The following NPNT variants were observed in gnomAD, a reference collection of about 807,000 sequenced individuals.
The protein encoded by NPNT is nephronectin, also known as preosteoblast EGF-like repeat protein with MAM domain.
In NPNT, 45 loss-of-function variants were observed where a neutral mutation model predicts 68.6. That is an observed-to-expected ratio of 0.66 (90% CI 0.52 to 0.84). The LOEUF is 0.84. Among genes scored for constraint, NPNT ranks in the 40% least tolerant of loss-of-function variants. The pLI, the probability that NPNT is intolerant of heterozygous loss-of-function variation, is 0.00. For synonymous variants in NPNT, 233 were observed against 253.3 expected (o/e 0.92, Z 0.76); for missense variants, 672 against 714.8 (o/e 0.94, Z 0.68).
intron 2 of NPNT, among the ~76,000 whole-genome samples, chr4:105,924,047 C>A (rs1317062813): frequency 2.6e-5 from 4 of 151,752 alleles, no homozygotes; most frequent in South Asian, 2.1e-4. Flanking sequence ...GCGCCCCCCC[C>A]CCACCACTTT....
chr4:105,942,597 A>G lies in NPNT; in HGVS notation c.1054A>G (p.Thr352Ala), dbSNP rs767736918. The G allele has an allele frequency of 6.2e-7, 1 of 1,613,950 alleles. No homozygotes were observed. The highest frequency in any genetic ancestry group is 1.1e-5 in the South Asian group (1 of 91,062). The change falls in exon 8 of 12, where the codon ACC becomes GCC. Residue 352 changes from threonine to alanine, a missense_variant. Transcript: ENST00000379987. ...ACCTACAACCCCAGAAAGGCCAACCACCGGACTGACAACTATAGCACCAGC... is the reference window on the plus strand; with the variant it reads ...ACCTACAACCCCAGAAAGGCCAACCGCCGGACTGACAACTATAGCACCAGC... Reference protein sequence around the residue: ...LPPTTPERPTTGLTTIAPAAS... With the variant: ...LPPTTPERPTAGLTTIAPAAS...
At chr4:105,953,141 G>C (rs1578671853) in intron 8 of NPNT, among the ~76,000 whole-genome samples, 1 of 152,302 alleles carries the variant, frequency 6.6e-6, no homozygotes, top group East Asian at 1.9e-4. Flanking sequence ...ACTCCAGCCT[G>C]GGTGACACAG....
At position 105,959,113 on chromosome 4, in the gene NPNT, C is replaced by T; in HGVS notation, c.1332C>T (p.Ile444=). The T allele has an allele frequency of 6.2e-7, 1 of 1,608,808 alleles. No homozygotes were observed. The highest frequency in any genetic ancestry group is 1.1e-5 in the South Asian group (1 of 90,982). ...ACAATGACTTGCACTGGGAACCAAT[C>T]AGGGACCCAGCAGGTAAAACCATTT... ...EKDNDLHWEP[I]RDPAGGQYLT... The change falls in exon 10 of 12, where the codon ATC becomes ATT. Residue 444 remains isoleucine (I), a synonymous_variant. Transcript: ENST00000379987.
At chr4:105,920,395 T>A (rs1379048798) in intron 2 of NPNT, among the ~76,000 whole-genome samples, 7 of 79,452 alleles carry the variant, frequency 8.8e-5, no homozygotes, top group African/African-American at 1.5e-4. Flanking sequence ...GTTACTCTAC[T>A]AAAAAAAAAA....
chr4:105,936,956 AC>A, intron 3 of NPNT, 52 bp from the exon 4 acceptor site: 1 of 1,566,846 alleles, frequency 6.4e-7, no homozygotes, highest in Non-Finnish European at 8.6e-7. Context: ...TAGATGGCTT[AC>A]ATTAGTGCTG....
chr4:105,926,561 G>C (rs1317396059), intron 2 of NPNT, among the ~76,000 whole-genome samples: 1 of 152,086 alleles, frequency 6.6e-6, no homozygotes, highest in Non-Finnish European at 1.5e-5. Context: ...GGGGTAAAAA[G>C]TGCCCCCCAG....
chr4:105,932,309 T>A (rs1452766461), intron 3 of NPNT, among the ~76,000 whole-genome samples: 1 of 152,162 alleles, frequency 6.6e-6, no homozygotes, highest in Non-Finnish European at 1.5e-5. Context: ...TATGACTAAA[T>A]AATACTTTTA....
At chr4:105,924,577 CATT>C (rs1728544967) in intron 2 of NPNT, among the ~76,000 whole-genome samples, 1 of 152,146 alleles carries the variant, frequency 6.6e-6, no homozygotes, top group Admixed American at 6.6e-5. Flanking sequence ...ATGGAAGAAA[CATT>C]AACAGTGTTG....
intron 5 of NPNT, among the ~76,000 whole-genome samples, chr4:105,939,867 G>A (rs995599401): frequency 6.6e-6 from 1 of 152,136 alleles, no homozygotes; most frequent in African/African-American, 2.4e-5. Flanking sequence ...TATATAGAGT[G>A]CAAGAAAATA....
chr4:105,967,969 T>G (rs1004761633), intron 11 of NPNT, among the ~76,000 whole-genome samples: 1 of 152,176 alleles, frequency 6.6e-6, no homozygotes, highest in African/African-American at 2.4e-5. Context: ...GAAAGCACTA[T>G]TCTATTCAGG....
chr4:105,944,885 G>A (rs1317765385), intron 8 of NPNT, among the ~76,000 whole-genome samples: 2 of 152,200 alleles, frequency 1.3e-5, no homozygotes, highest in Non-Finnish European at 2.9e-5. Context: ...TTTTAATTCA[G>A]GACAAATAAC....
chr4:105,937,189 G>A (rs890169751), intron 4 of NPNT, 61 bp downstream of exon 4: 5 of 1,574,704 alleles, frequency 3.2e-6, no homozygotes, highest in Non-Finnish European at 4.3e-6. Flanking sequence ...TGTGCTCTGA[G>A]AGCTTGCTTT....
rs1732497674 is a variant in NPNT at position 105,970,596 on chromosome 4, T to G, written c.*1606T>G. ...GAGGAAACTGGCTTAGACTAGAGTA[T>G]AAGGGAGCATTTCTTGGCAGGGGCC... On this transcript the variant is annotated 3_prime_UTR_variant, in exon 12 of 12. Coordinates refer to ENST00000379987, the MANE Select transcript of NPNT (RefSeq NM_001033047.3). The G allele has an allele frequency of 3.0e-6, 2 of 669,702 alleles. No individual in the cohort carries two copies. Among genetic ancestry groups the G allele is most frequent in the African/African-American group, 3.5e-5 (2 of 56,630 alleles). 41.5% of individuals were successfully genotyped at this position (669,702 alleles called of 1,614,324 possible).
chr4:105,920,637 A>G (rs1238662339), intron 2 of NPNT, among the ~76,000 whole-genome samples: 1 of 152,044 alleles, frequency 6.6e-6, no homozygotes, highest in African/African-American at 2.4e-5. Context: ...ATGCACATAT[A>G]CAGATGCAGC....
intron 11 of NPNT, among the ~76,000 whole-genome samples, chr4:105,968,025 A>G (rs1041225740): frequency 6.6e-6 from 1 of 152,312 alleles, no homozygotes; most frequent in Non-Finnish European, 1.5e-5. Flanking sequence ...ATTTGATCTT[A>G]AGTAATCAAG....
chr4:105,965,589 G>A (rs887603517), intron 10 of NPNT, among the ~76,000 whole-genome samples: 3 of 152,148 alleles, frequency 2.0e-5, no homozygotes, highest in Non-Finnish European at 4.4e-5. Context: ...GAAACTTGCA[G>A]GTTAACTGTA....
intron 2 of NPNT, among the ~76,000 whole-genome samples, chr4:105,922,314 T>C (rs1728316510): frequency 6.6e-6 from 1 of 151,996 alleles, no homozygotes; most frequent in African/African-American, 2.4e-5. Flanking sequence ...ACTTATTTGA[T>C]AATTCACTGC....
chr4:105,935,649 G>A (rs950364115), intron 3 of NPNT, among the ~76,000 whole-genome samples: 4 of 152,234 alleles, frequency 2.6e-5, no homozygotes, highest in Admixed American at 6.5e-5. Context: ...ATTGAAGAAC[G>A]CATAGGAGAT....
Position 105,895,846 on chromosome 4 carries a change from G to T in NPNT, c.71+123G>T, listed in dbSNP as rs1006840572. On this transcript the variant is annotated intron_variant, in intron 1 of 11. Coordinates refer to ENST00000379987, the MANE Select transcript of NPNT (RefSeq NM_001033047.3). ...GGCGTCTCCTCCATCCAGAAGTTGGGCCACCGCACAGCGTGGCGCGAGGAG... is the reference window on the plus strand; with the variant it reads ...GGCGTCTCCTCCATCCAGAAGTTGGTCCACCGCACAGCGTGGCGCGAGGAG... 11 of 848,150 alleles carry T rather than the reference G, an allele frequency of 1.3e-5. No homozygotes were observed. In the Admixed American group the frequency reaches 2.0e-4, roughly 15 times the overall value. The allele number at this position is 848,150 out of a possible 1,614,324, so 52.5% of individuals were successfully genotyped here. A position where few individuals can be genotyped will look rare whatever the true frequency, so the allele number is the denominator to read the frequency against.
Sources: gnomAD v4.1 joint callset for allele counts (sites outside exome capture counted in the v4.1 genomes callset) on GRCh38, gnomAD v4.1.1 for gene constraint, MANE v1.5 for transcripts, NCBI Gene and HGNC (gene_info 2026-07-23, HGNC 2026-07-21) for gene names.